The following ACAN variants were observed in gnomAD, a reference collection of about 807,000 sequenced individuals.
The protein encoded by ACAN is aggrecan.
In ACAN, 47 loss-of-function variants were observed where a neutral mutation model predicts 169.1. That is an observed-to-expected ratio of 0.28 (90% CI 0.22 to 0.35). The LOEUF (loss-of-function observed/expected upper bound fraction) is 0.35. ACAN is among the 10% of genes least tolerant of loss of function. ACAN has a pLI of 1.00. For synonymous variants in ACAN, 1,115 were observed against 1,112.2 expected (o/e 1.00, Z -0.05); for missense variants, 2,716 against 2,759.9 (o/e 0.98, Z 0.36).
chr15:88,819,467 T>C (rs1191786220), intron 1 of ACAN, among the ~76,000 whole-genome samples: 3 of 152,200 alleles, frequency 2.0e-5, no homozygotes, highest in Admixed American at 6.5e-5. Flanking sequence ...ATGATTTAAA[T>C]GAAATCTGGA....
At chr15:88,829,005 C>A (rs1306722138) in intron 1 of ACAN, among the ~76,000 whole-genome samples, 2 of 152,188 alleles carry the variant, frequency 1.3e-5, no homozygotes, top group South Asian at 2.1e-4. Context: ...CAATCCTAGA[C>A]AAAAGTATGG....
rs754214360 is a variant in ACAN, at chr15:88,857,177, G to A, written c.4592G>A (p.Gly1531Glu). ...GVEDLSRLPS[G>E]EEVLEISASG... The stretch of plus-strand genomic sequence containing the variant: ...GAGGACCTCAGCAGGCTCCCTTCTG[G>A]AGAAGAAGTTCTAGAGATTTCTGCC... Residue 1531 changes from glycine (G) to glutamate (E), a missense_variant, in exon 12 of 19, where the codon GGA becomes GAA. Gly to Glu is a moderately conservative substitution (Grantham distance 98). Around this residue, in one of 3 missense-constraint regions of ACAN, gnomAD observed 1,389 missense variants for 1,363.7 expected, o/e 1.02. Transcript: ENST00000560601. 3.1e-6 allele frequency: 5 copies of A among 1,613,456 alleles called. No individual in the cohort carries two copies. The highest frequency in any genetic ancestry group is 4.2e-6 in the Non-Finnish European group (5 of 1,179,728).
chr15:88,826,306 G>T (rs1373728805), intron 1 of ACAN, among the ~76,000 whole-genome samples: 1 of 151,964 alleles, frequency 6.6e-6, no homozygotes, highest in Non-Finnish European at 1.5e-5. Context: ...AAAACCCCTG[G>T]AGGAAGTTAA....
intron 1 of ACAN, among the ~76,000 whole-genome samples, chr15:88,824,545 G>C (rs1171281557): frequency 6.6e-6 from 1 of 152,098 alleles, no homozygotes; most frequent in Non-Finnish European, 1.5e-5. Context: ...AGCTGAAACA[G>C]ACAGTGAACA....
In ACAN at chr15:88,858,276, A is replaced by G. The variant is rs1223756247; in HGVS notation, c.5691A>G (p.Leu1897=). The G allele has an allele frequency of 1.2e-6, 2 of 1,613,950 alleles. No homozygotes were observed. The highest frequency in any genetic ancestry group is 1.7e-5 in the Admixed American group (1 of 60,030). ...CCCAGACTCCGGAATTCAGTGGCCT[A>G]CCAAGTGGCATAGCTGAGGTCAGTG... ...FTSQTPEFSG[L]PSGIAEVSGE... is the part of the protein sequence containing the mutation. Residue 1897 remains leucine, a synonymous_variant, in exon 12 of 19, where the codon CTA becomes CTG. Transcript: ENST00000560601. This position sits in a 1 kb window ranked among gnomAD's most constrained non-coding sequence, Gnocchi z 4.0.
intron 1 of ACAN, among the ~76,000 whole-genome samples, chr15:88,834,367 A>ACCCTGC (rs1253393054): frequency 2.0e-5 from 3 of 152,128 alleles, no homozygotes; most frequent in Non-Finnish European, 4.4e-5. Context: ...TCCTGGGCCC[A>ACCCTGC]CCCTGCCCCT....
intron 1 of ACAN, among the ~76,000 whole-genome samples, chr15:88,817,557 G>GA (rs11334021): frequency 3.6e-4 from 53 of 148,016 alleles, no homozygotes; most frequent in Admixed American, 8.0e-4. Flanking sequence ...GTTCAAGATA[G>GA]AAAAAAAAAA....
chr15:88,844,310 T>A (rs960844977), intron 6 of ACAN, among the ~76,000 whole-genome samples: 19 of 150,982 alleles, frequency 1.3e-4, no homozygotes, highest in African/African-American at 4.6e-4. Flanking sequence ...TTTTTTTTTT[T>A]TTTTGGTAGA....
intron 1 of ACAN, 24 bp from the exon 2 acceptor site, chr15:88,836,176 A>G (rs956101881): frequency 1.3e-6 from 2 of 1,582,734 alleles, no homozygotes; most frequent in African/African-American, 1.3e-5. Context: ...TGTCTAAATA[A>G]CGCCTCTGCC....
chr15:88,847,886 C>G, intron 8 of ACAN, 25 bp from the exon 9 acceptor site: 1 of 1,610,870 alleles, frequency 6.2e-7, no homozygotes. Context: ...AGGCCTTCAT[C>G]TTCTCCTCCC....
Position 88,843,548 on chromosome 15 carries a change from C to T in ACAN, c.951C>T (p.Asn317=). 6.2e-7 allele frequency: 1 copy of T among 1,612,726 alleles called. No individual in the cohort carries two copies. The highest frequency in any genetic ancestry group is 8.5e-7 in the Non-Finnish European group (1 of 1,179,648). ...ACCCCATCTCCAAGGCCCGGCCCAA[C>T]TGCGGTGGCAACCTCCTGGGCGTGA... ...VRYPISKARP[N]CGGNLLGVRT... is the part of the protein sequence containing the mutation. Residue 317 remains asparagine (N), a synonymous_variant, in exon 6 of 19, where the codon AAC becomes AAT. Transcript: ENST00000560601. The surrounding 1 kb of genome is among the most constrained non-coding windows in gnomAD (Gnocchi z 4.0).
rs749720584 is a variant in ACAN, at chr15:88,838,779, G to A, written c.187G>A (p.Ala63Thr). 5.1e-5 allele frequency: 82 copies of A among 1,613,858 alleles called. No individual in the cohort carries two copies. The highest frequency in any genetic ancestry group is 1.7e-4 in the Middle Eastern group (1 of 6,060). ...FIDPMHPVTT[A>T]PSTAPLAPRI... ...CGACCCCATGCACCCTGTGACCACC[G>A]CCCCTTCTACCGCCCCACTGGCCCC... The change falls in exon 3 of 19, where the codon GCC becomes ACC. Residue 63 changes from alanine to threonine, a missense_variant. Ala to Thr is a moderately conservative substitution (Grantham distance 58). This residue lies in a region of ACAN where 1,283 missense variants were observed against 1,281.5 expected (regional missense o/e 1.00). Coordinates refer to ENST00000560601, the MANE Select transcript of ACAN (RefSeq NM_001369268.1). This position sits in a 1 kb window ranked among gnomAD's most constrained non-coding sequence, Gnocchi z 5.1.
At position 88,874,188 on chromosome 15, in the gene ACAN, A is replaced by G; in HGVS notation, c.7630+164A>G. 9.3e-7 allele frequency: 1 copy of G among 1,079,478 alleles called. No individual in the cohort carries two copies. The highest frequency in any genetic ancestry group is 1.6e-5 in the African/African-American group (1 of 63,946). The allele number at this position is 1,079,478 out of a possible 1,614,324, so 66.9% of individuals were successfully genotyped here. ...ACAAATAGCTGACCACTGCCCTTAGAAGGGCCACGTACTTGTCCCAGGAGA... is the reference window on the plus strand; with the variant it reads ...ACAAATAGCTGACCACTGCCCTTAGGAGGGCCACGTACTTGTCCCAGGAGA... On this transcript the variant is annotated intron_variant, in intron 18 of 18. Transcript: ENST00000560601. The surrounding 1 kb of genome is among the most constrained non-coding windows in gnomAD (Gnocchi z 7.3).
Position 88,839,710 on chromosome 15 carries a change from A to T in ACAN, c.455-302A>T, listed in dbSNP as rs2141565736. On this transcript the variant is annotated intron_variant, in intron 3 of 18. Transcript: ENST00000560601. This position sits in a 1 kb window ranked among gnomAD's most constrained non-coding sequence, Gnocchi z 4.5. Reference sequence around the variant, plus strand: ...TCTTAATGCAATATGGGGGTCTTGGAGTGATAAGAAAAAATTATAAGGAGG... The same window carrying T: ...TCTTAATGCAATATGGGGGTCTTGGTGTGATAAGAAAAAATTATAAGGAGG... Among the ~76,000 whole-genome samples, 1 of 152,290 alleles carries T rather than the reference A, an allele frequency of 6.6e-6. No individual in the cohort carries two copies. Among genetic ancestry groups the T allele is most frequent in the South Asian group, 2.1e-4 (1 of 4,814 alleles).
At chr15:88,824,363 C>G (rs985159780) in intron 1 of ACAN, among the ~76,000 whole-genome samples, 1 of 151,938 alleles carries the variant, frequency 6.6e-6, no homozygotes, top group Non-Finnish European at 1.5e-5. Context: ...AACACTCCTT[C>G]TACTTCCAAA....
chr15:88,862,750 C>T (rs1474063033), intron 13 of ACAN, among the ~76,000 whole-genome samples: 1 of 152,188 alleles, frequency 6.6e-6, no homozygotes, highest in Non-Finnish European at 1.5e-5. Context: ...GTAATCCCAG[C>T]ACTTTGGGAG....
chr15:88,823,013 T>G (rs1199287712), intron 1 of ACAN, among the ~76,000 whole-genome samples: 1 of 152,218 alleles, frequency 6.6e-6, no homozygotes, highest in Non-Finnish European at 1.5e-5. Context: ...TGGCCCTTTC[T>G]GGCAAGCAGG....
At chr15:88,860,070 T>C (rs1897160955) in intron 12 of ACAN, among the ~76,000 whole-genome samples, 1 of 142,728 alleles carries the variant, frequency 7.0e-6, no homozygotes, top group Non-Finnish European at 1.5e-5. Context: ...TAGCTGATTT[T>C]CCTTTTTTTT....
rs1307410110 is a variant in ACAN, at chr15:88,847,306, A to G, written c.1493A>G (p.Gln498Arg). 7.0e-6 allele frequency: 11 copies of G among 1,574,554 alleles called. No homozygotes were observed. The highest frequency in any genetic ancestry group is 9.5e-6 in the Non-Finnish European group (11 of 1,161,262). The stretch of plus-strand genomic sequence containing the variant: ...TCGCTGACCTTTGAGGAGGCACAGC[A>G]GGCCTGCCTGCGCACGGGGGCGGTC... ...RYSLTFEEAQ[Q>R]ACLRTGAVIA... The change falls in exon 8 of 19, where the codon CAG becomes CGG. Residue 498 changes from glutamine to arginine, a missense_variant. By Grantham distance (43) the Gln-to-Arg change is conservative. Around this residue, in one of 3 missense-constraint regions of ACAN, gnomAD observed 1,283 missense variants for 1,281.5 expected, o/e 1.00. Coordinates refer to ENST00000560601, the MANE Select transcript of ACAN (RefSeq NM_001369268.1).
Sources: gnomAD v4.1 joint callset for allele counts (sites outside exome capture counted in the v4.1 genomes callset) on GRCh38, gnomAD v4.1.1 for gene constraint, gnomAD v4.1.1 regional missense constraint, Gnocchi (gnomAD v3.1) non-coding constraint, MANE v1.5 for transcripts, NCBI Gene and HGNC (gene_info 2026-07-23, HGNC 2026-07-21) for gene names.